The following ATF7IP2 variants were observed in gnomAD, a reference collection of about 807,000 sequenced individuals.
The protein encoded by ATF7IP2 is activating transcription factor 7 interacting protein 2.
A neutral mutation model predicts 64.2 loss-of-function variants in ATF7IP2; 42 were observed. That is an observed-to-expected ratio of 0.65 (90% confidence interval 0.51 to 0.85). The LOEUF is 0.85. Among genes scored for constraint, ATF7IP2 ranks in the 40% least tolerant of loss-of-function variants. The pLI is 0.00. For missense variants in ATF7IP2, 933 were observed against 784.2 expected (o/e 1.19, Z -2.27); for synonymous variants, 308 against 272.8 (o/e 1.13, Z -1.27).
chr16:10,393,463 A>T (rs1034787670), intron 1 of ATF7IP2, among the ~76,000 whole-genome samples: 73 of 152,182 alleles, frequency 4.8e-4, no homozygotes, highest in African/African-American at 1.7e-3. Context: ...GTGATTTGAC[A>T]TGATTTTTAG....
At chr16:10,481,006 T>C (rs762855872) in intron 13 of ATF7IP2, 42 bp downstream of exon 13, 66 of 1,420,854 alleles carry the variant, frequency 4.6e-5, no homozygotes, top group Non-Finnish European at 6.4e-5. Context: ...TTATTCCAAA[T>C]TGAGTGGGAA....
chr16:10,467,901 C>CA (rs1460833464), intron 9 of ATF7IP2, among the ~76,000 whole-genome samples: 1 of 132,184 alleles, frequency 7.6e-6, no homozygotes, highest in Non-Finnish European at 1.6e-5. Context: ...TTTTTTGAGA[C>CA]AGAGTTTTGC....
chr16:10,477,602 CCT>C (rs549895042), intron 12 of ATF7IP2, among the ~76,000 whole-genome samples: 52 of 152,238 alleles, frequency 3.4e-4, no homozygotes, highest in African/African-American at 1.2e-3. Flanking sequence ...ACAGGGATGC[CCT>C]CTCTCACCGC....
At chr16:10,389,255 A>G (rs1370795856) in intron 1 of ATF7IP2, among the ~76,000 whole-genome samples, 4 of 152,180 alleles carry the variant, frequency 2.6e-5, no homozygotes, top group Non-Finnish European at 5.9e-5. Flanking sequence ...ATGGTAGTCT[A>G]TCTGGCTATA....
At position 10,483,500 on chromosome 16, in the gene ATF7IP2, G is replaced by GTT. The variant is rs1323930297; in HGVS notation, c.*1253_*1254dup. On this transcript the variant is annotated 3_prime_UTR_variant, in exon 14 of 14. Transcript: ENST00000562102. Reference sequence around the variant, plus strand: ...ATAAGAAACAAAAATAATCCCAACTGTTTGAAAGTTCGAAAGAGGGGCATT... The same window carrying GTT: ...ATAAGAAACAAAAATAATCCCAACTGTTTTTGAAAGTTCGAAAGAGGGGCATT... 2 of 152,140 alleles carry GTT rather than the reference G, an allele frequency of 1.3e-5. No individual in the cohort carries two copies. The highest frequency in any genetic ancestry group is 2.9e-5 in the Non-Finnish European group (2 of 68,032). 9.4% of individuals were successfully genotyped at this position (152,140 alleles called of 1,614,324 possible). A position where few individuals can be genotyped will look rare whatever the true frequency, so the allele number is the denominator to read the frequency against.
At chr16:10,438,057 A>C in intron 6 of ATF7IP2, 44 bp from the exon 7 acceptor site, 1 of 1,459,508 alleles carries the variant, frequency 6.9e-7, no homozygotes, top group Non-Finnish European at 9.0e-7. Flanking sequence ...ATTGCTTTTA[A>C]ATTTGAAACG....
At chr16:10,413,512 T>A (rs1183368774) in intron 1 of ATF7IP2, among the ~76,000 whole-genome samples, 1 of 152,200 alleles carries the variant, frequency 6.6e-6, no homozygotes, top group Non-Finnish European at 1.5e-5. Flanking sequence ...AGCATGAAAA[T>A]GGACTAATAC....
chr16:10,425,431 A>G (rs1477230736), intron 3 of ATF7IP2, among the ~76,000 whole-genome samples: 1 of 152,126 alleles, frequency 6.6e-6, no homozygotes, highest in African/African-American at 2.4e-5. Context: ...ATCTTAAAAA[A>G]AAAAATTAAT....
chr16:10,398,777 A>G (rs557112111), intron 1 of ATF7IP2, among the ~76,000 whole-genome samples: 149 of 152,310 alleles, frequency 9.8e-4, no homozygotes, highest in Middle Eastern at 3.4e-3. Flanking sequence ...GGGGTTGAAT[A>G]GATACTGGTC....
intron 4 of ATF7IP2, among the ~76,000 whole-genome samples, chr16:10,429,346 A>C (rs1379399568): frequency 6.6e-6 from 1 of 152,098 alleles, no homozygotes; most frequent in Admixed American, 6.6e-5. Flanking sequence ...TATATATATC[A>C]GGTTTGTTTG....
chr16:10,406,175 G>T (rs552193837), intron 1 of ATF7IP2, among the ~76,000 whole-genome samples: 1 of 151,842 alleles, frequency 6.6e-6, no homozygotes, highest in African/African-American at 2.4e-5. Context: ...GTGCAATCAC[G>T]GCTCACCACA....
chr16:10,440,029 G>A (rs189623010), intron 7 of ATF7IP2, among the ~76,000 whole-genome samples: 25 of 151,868 alleles, frequency 1.6e-4, no homozygotes, highest in East Asian at 7.9e-4. Flanking sequence ...GTATGGTGGC[G>A]CATGCCTGTA....
intron 1 of ATF7IP2, among the ~76,000 whole-genome samples, chr16:10,413,153 T>G (rs1488645877): frequency 6.6e-6 from 1 of 152,170 alleles, no homozygotes; most frequent in Non-Finnish European, 1.5e-5. Flanking sequence ...TTTAGGCCAT[T>G]TACATTTAAT....
chr16:10,387,857 C>G (rs945001205), intron 1 of ATF7IP2: 2 of 134,516 alleles, frequency 1.5e-5, no homozygotes, highest in African/African-American at 2.8e-5. Flanking sequence ...CGGACACACA[C>G]ACACTGCGGT....
At chr16:10,481,751 A>G in intron 13 of ATF7IP2, 85 bp from the exon 14 acceptor site, 6 of 1,161,206 alleles carry the variant, frequency 5.2e-6, no homozygotes, top group East Asian at 2.5e-5. Flanking sequence ...ATTTTGATAA[A>G]TGGATTGAAG....
Position 10,482,142 on chromosome 16 carries a change from G to C in ATF7IP2, c.1942G>C (p.Ala648Pro), listed in dbSNP as rs2050257573. The C allele has an allele frequency of 6.2e-7, 1 of 1,613,720 alleles. No homozygotes were observed. The change falls in exon 14 of 14, where the codon GCT (alanine) becomes CCT (proline). Residue 648 changes from alanine to proline, a missense_variant. Transcript: ENST00000562102. Reference protein sequence around the residue: ...PMACTLSQFLASNRYYFTVQS... With the variant: ...PMACTLSQFLPSNRYYFTVQS... ...GGCCTGTACTTTATCTCAGTTTTTA[G>C]CTTCCAACAGATACTATTTTACTGT...
At chr16:10,431,539 CAGTA>C (rs2048255952) in intron 5 of ATF7IP2, 84 bp downstream of exon 5, 2 of 857,386 alleles carry the variant, frequency 2.3e-6, no homozygotes, top group Non-Finnish European at 3.5e-6. Context: ...ATATACAAAC[CAGTA>C]TAGACAGAAA....
intron 9 of ATF7IP2, among the ~76,000 whole-genome samples, chr16:10,468,315 TGGAA>T (rs559532627): frequency 2.9e-3 from 444 of 152,338 alleles, no homozygotes; most frequent in African/African-American, 9.5e-3. Flanking sequence ...TAAATCTGCA[TGGAA>T]AACTGTTGAG....
At chr16:10,461,198 A>G (rs765545148) in intron 9 of ATF7IP2, among the ~76,000 whole-genome samples, 1 of 152,118 alleles carries the variant, frequency 6.6e-6, no homozygotes, top group Non-Finnish European at 1.5e-5. Context: ...ACTACTGGGT[A>G]TTGGTGAAGT....
Sources: allele counts gnomAD v4.1 joint callset (sites outside exome capture counted in the v4.1 genomes callset), GRCh38; gene constraint gnomAD v4.1.1; transcripts MANE v1.5; gene names NCBI Gene and HGNC (gene_info 2026-07-23, HGNC 2026-07-21).